The following DEFB115 variants were observed in gnomAD, a reference collection of about 807,000 sequenced individuals.
DEFB115 encodes the protein defensin beta 115.
In DEFB115, 7 loss-of-function variants were observed where a neutral mutation model predicts 8.8. That is an observed-to-expected ratio of 0.79 (90% CI 0.45 to 1.49). The LOEUF is 1.49. Among genes scored for constraint, DEFB115 ranks in the 40% most tolerant of loss-of-function variants. DEFB115 has a pLI of 0.01. For synonymous variants in DEFB115, 62 were observed against 37.6 expected (o/e 1.65, Z -2.37); for missense variants, 143 against 99.4 (o/e 1.44, Z -1.86).
At chr20:31,258,412 G>T (rs1261051897) in intron 1 of DEFB115, among the ~76,000 whole-genome samples, 1 of 152,148 alleles carries the variant, frequency 6.6e-6, no homozygotes, top group Non-Finnish European at 1.5e-5. Flanking sequence ...TTCCCCTTAG[G>T]CTTCCCAGGG....
chr20:31,257,743 C>T lies in DEFB115; in HGVS notation c.80C>T (p.Ala27Val), dbSNP rs1983793251. The change falls in exon 1 of 2, where the codon GCT becomes GTT. Residue 27 changes from alanine to valine, a missense_variant. By Grantham distance (64) the Ala-to-Val change is moderately conservative. Transcript: ENST00000400552. ...VLALVVLVVL[A>V]QTAPDGWIRR... ...GCCTTAGTTGTCCTTGTGGTCCTGG[C>T]TCAGACTGCCCCAGGTAAACAGAAC... The T allele has an allele frequency of 6.2e-7, 1 of 1,613,530 alleles. No homozygotes were observed. The highest frequency in any genetic ancestry group is 8.5e-7 in the Non-Finnish European group (1 of 1,179,516).
At position 31,259,440 on chromosome 20, in the gene DEFB115, G is replaced by T; in HGVS notation, c.95-20G>T. ...TTTTCAAATGTATTTATATATTCAT[G>T]TGTTTGCTTATTTTGATAGATGGAT... On this transcript the variant is annotated intron_variant, in intron 1 of 1. Coordinates refer to ENST00000400552, the MANE Select transcript of DEFB115 (RefSeq NM_001037730.1). 6.4e-7 allele frequency: 1 copy of T among 1,573,838 alleles called. No individual in the cohort carries two copies. Among genetic ancestry groups the T allele is most frequent in the South Asian group, 1.2e-5 (1 of 82,920 alleles).
At chr20:31,257,830 G>T in intron 1 of DEFB115, 73 bp downstream of exon 1, 1 of 1,366,886 alleles carries the variant, frequency 7.3e-7, no homozygotes, top group South Asian at 1.2e-5. Flanking sequence ...CTGGAAAATT[G>T]AACATGTGTA....
rs1234955563 is a variant in DEFB115, at chr20:31,259,632, G to C, written c.267G>C (p.Ter89TyrextTer?). ...DQKETSELYI[*>Y] ...AAGAGACAAGTGAGCTATATATCTA[G>C]TTGCGACTCCTAATTCAGAATTTTA... The change falls in exon 2 of 2, where the codon TAG (stop) becomes TAC (tyrosine). Residue 89 changes from the stop codon to tyrosine, a stop_lost. Transcript: ENST00000400552. 1 of 1,573,924 alleles carries C rather than the reference G, an allele frequency of 6.4e-7. No homozygotes were observed. Among genetic ancestry groups the C allele is most frequent in the Middle Eastern group, 1.7e-4 (1 of 5,864 alleles).
chr20:31,259,354 A>G, intron 1 of DEFB115, 106 bp from the exon 2 acceptor site: 1 of 1,215,922 alleles, frequency 8.2e-7, no homozygotes, highest in Non-Finnish European at 1.1e-6. Context: ...AAGTGTCAAA[A>G]TCAATGTTTC....
At chr20:31,257,820 C>A in intron 1 of DEFB115, 63 bp downstream of exon 1, 3 of 1,440,462 alleles carry the variant, frequency 2.1e-6, no homozygotes, top group Non-Finnish European at 2.9e-6. Context: ...CACAGAATCA[C>A]TGGAAAATTG....
chr20:31,257,845 C>G, intron 1 of DEFB115, 88 bp downstream of exon 1: 1 of 1,170,596 alleles, frequency 8.5e-7, no homozygotes, highest in Non-Finnish European at 1.3e-6. Context: ...TGTGTAGAAG[C>G]AAGGAGAGCC....
At chr20:31,257,854 C>A in intron 1 of DEFB115, 97 bp downstream of exon 1, 1 of 1,088,486 alleles carries the variant, frequency 9.2e-7, no homozygotes, top group Non-Finnish European at 1.4e-6. Context: ...GCAAGGAGAG[C>A]CCACAGGGAT....
rs373413707 is a variant in DEFB115, at chr20:31,258,332, G to A, written c.94+575G>A. The stretch of plus-strand genomic sequence containing the variant: ...AGATTTTGGCTTTCAAGTTGAACAC[G>A]CTCAAAGCTCTCTAACAGTATAAAC... On this transcript the variant is annotated intron_variant, in intron 1 of 1. Transcript: ENST00000400552. Among the ~76,000 whole-genome samples the A allele has an allele frequency of 4.4e-4, 67 of 152,280 alleles. No homozygotes were observed. In the South Asian group the frequency reaches 1.0e-2, roughly 23 times the overall value.
chr20:31,258,694 A>G (rs765934043), intron 1 of DEFB115, among the ~76,000 whole-genome samples: 15 of 152,210 alleles, frequency 9.9e-5, no homozygotes, highest in Non-Finnish European at 2.2e-4. Context: ...ACTGGAAGAG[A>G]AAAGTGAGAG....
intron 1 of DEFB115, among the ~76,000 whole-genome samples, chr20:31,259,079 C>A (rs1231011654): frequency 1.3e-5 from 2 of 152,072 alleles, no homozygotes; most frequent in Admixed American, 6.6e-5. Context: ...ATGCCTGGCA[C>A]ATAGTAGATG....
At chr20:31,259,003 T>C (rs1243653292) in intron 1 of DEFB115, among the ~76,000 whole-genome samples, 2 of 151,892 alleles carry the variant, frequency 1.3e-5, no homozygotes, top group African/African-American at 4.8e-5. Flanking sequence ...GAAATGTAAA[T>C]TGGTCATCCA....
chr20:31,259,424 G>A (rs576023435), intron 1 of DEFB115, 36 bp from the exon 2 acceptor site: 3 of 1,524,490 alleles, frequency 2.0e-6, no homozygotes, highest in South Asian at 2.7e-5. Context: ...TTTTTCAAAT[G>A]TATTTATATA....
At chr20:31,259,432 A>G in intron 1 of DEFB115, 28 bp from the exon 2 acceptor site, 2 of 1,552,168 alleles carry the variant, frequency 1.3e-6, no homozygotes, top group African/African-American at 2.8e-5. Context: ...ATGTATTTAT[A>G]TATTCATGTG....
intron 1 of DEFB115, among the ~76,000 whole-genome samples, chr20:31,258,348 C>T (rs565443302): frequency 6.6e-6 from 1 of 152,278 alleles, no homozygotes; most frequent in South Asian, 2.1e-4. Flanking sequence ...AGCTCTCTAA[C>T]AGTATAAACA....
chr20:31,257,795 G>A (rs776692022), intron 1 of DEFB115, 38 bp downstream of exon 1: 2 of 1,553,642 alleles, frequency 1.3e-6, no homozygotes, highest in Non-Finnish European at 1.8e-6. Flanking sequence ...AAGGGAGTAA[G>A]GATGGGGTCC....
At chr20:31,259,209 T>A (rs1983836766) in intron 1 of DEFB115, among the ~76,000 whole-genome samples, 1 of 152,070 alleles carries the variant, frequency 6.6e-6, no homozygotes, top group South Asian at 2.1e-4. Context: ...CCAGATTTAG[T>A]GAGACTGTGA....
chr20:31,258,642 G>C (rs1240913200), intron 1 of DEFB115, among the ~76,000 whole-genome samples: 1 of 152,162 alleles, frequency 6.6e-6, no homozygotes, highest in Non-Finnish European at 1.5e-5. Flanking sequence ...GCAGATGCAA[G>C]AGACATTTTG....
At position 31,259,611 on chromosome 20, in the gene DEFB115, G is replaced by C. The variant is rs1224274818; in HGVS notation, c.246G>C (p.Glu82Asp). 1.2e-6 allele frequency: 2 copies of C among 1,605,286 alleles called. No individual in the cohort carries two copies. The highest frequency in any genetic ancestry group is 1.1e-5 in the South Asian group (1 of 88,904). ...TATCACACATTCACGACCAAAAAGA[G>C]ACAAGTGAGCTATATATCTAGTTGC... ...DKLSHIHDQK[E>D]TSELYI Residue 82 changes from glutamate to aspartate, a missense_variant, in exon 2 of 2, where the codon GAG becomes GAC. Physicochemically the swap from Glu to Asp is conservative, Grantham distance 45. Transcript: ENST00000400552.
Sources: allele counts gnomAD v4.1 joint callset (sites outside exome capture counted in the v4.1 genomes callset), GRCh38; gene constraint gnomAD v4.1.1; transcripts MANE v1.5; gene names NCBI Gene and HGNC (gene_info 2026-07-23, HGNC 2026-07-21).